Variants in CLDN20 observed in about 807,000 individuals in gnomAD.
CLDN20 encodes the protein claudin-20.
For missense variants in CLDN20, 258 were observed against 267.9 expected, an observed-to-expected ratio of 0.96 and a Z score of 0.26; for synonymous variants, 104 against 103.6, an observed-to-expected ratio of 1.00 and a Z score of -0.03.
At chr6:155,272,689 A>G (rs1784988588) in intron 1 of CLDN20, among the ~76,000 whole-genome samples, 1 of 152,106 alleles carries the variant, frequency 6.6e-6, no homozygotes, top group Non-Finnish European at 1.5e-5. Context: ...TCATTTGGAG[A>G]ACAAATTCTT....
At chr6:155,269,353 G>A (rs373506085) in intron 1 of CLDN20, among the ~76,000 whole-genome samples, 2 of 124,916 alleles carry the variant, frequency 1.6e-5, no homozygotes, top group East Asian at 2.6e-4. Flanking sequence ...ATGGAGTCTC[G>A]CTCTGTCACC....
At chr6:155,265,743 A>ATAATATATAATATAAATATATATTATATG (rs1290380034) in intron 1 of CLDN20, among the ~76,000 whole-genome samples, 1 of 145,818 alleles carries the variant, frequency 6.9e-6, no homozygotes, top group East Asian at 1.9e-4. Context: ...TATATTATAT[A>ATAATATATAATATAAATATATATTATATG]TAATATATAA....
chr6:155,274,471 A>T (rs559044146), intron 1 of CLDN20, among the ~76,000 whole-genome samples: 1 of 152,214 alleles, frequency 6.6e-6, no homozygotes, highest in Non-Finnish European at 1.5e-5. Context: ...ACATACAACT[A>T]ATGATGTGGT....
chr6:155,266,395 TCACA>T (rs1036755606), intron 1 of CLDN20, among the ~76,000 whole-genome samples: 5 of 152,044 alleles, frequency 3.3e-5, no homozygotes, highest in African/African-American at 1.2e-4. Flanking sequence ...TGGGAAAGTA[TCACA>T]CAGTCAACTC....
Position 155,276,191 on chromosome 6 carries a change from C to G in CLDN20, c.472C>G (p.His158Asp), listed in dbSNP as rs776946724. Reference protein sequence around the residue: ...LDLTVPESNKHEPGGAIYIGF... With the variant: ...LDLTVPESNKDEPGGAIYIGF... ...TCTGACAGTTCCAGAAAGCAACAAA[C>G]ATGAACCTGGAGGAGCTATCTATAT... The change falls in exon 2 of 2, where the codon CAT becomes GAT. Residue 158 changes from histidine to aspartate, a missense_variant. Coordinates refer to ENST00000367165, the MANE Select transcript of CLDN20 (RefSeq NM_001001346.3). The G allele has an allele frequency of 1.2e-6, 2 of 1,614,118 alleles. No individual in the cohort carries two copies. The highest frequency in any genetic ancestry group is 1.7e-6 in the Non-Finnish European group (2 of 1,180,008).
intron 1 of CLDN20, among the ~76,000 whole-genome samples, chr6:155,266,568 T>C (rs13220614): frequency 0.64 from 96,287 of 151,590 alleles, 31,298 homozygotes; most frequent in East Asian, 0.98. Flanking sequence ...CAAATGAGGC[T>C]GGGCGCTGTG....
At chr6:155,273,194 T>A (rs957793041) in intron 1 of CLDN20, among the ~76,000 whole-genome samples, 2 of 152,236 alleles carry the variant, frequency 1.3e-5, no homozygotes, top group Admixed American at 1.3e-4. Flanking sequence ...TAACTTTTGT[T>A]CTATTTTGGT....
chr6:155,275,461 G>A (rs1785145563), intron 1 of CLDN20, among the ~76,000 whole-genome samples, 155 bp from the exon 2 acceptor site: 1 of 152,136 alleles, frequency 6.6e-6, no homozygotes, highest in Non-Finnish European at 1.5e-5. Context: ...TCAAGGCCTG[G>A]TGGGAGCTTT....
At chr6:155,265,244 C>T (rs961731526) in intron 1 of CLDN20, among the ~76,000 whole-genome samples, 29 of 152,332 alleles carry the variant, frequency 1.9e-4, no homozygotes, top group Admixed American at 1.1e-3. Flanking sequence ...TGGACCCCAG[C>T]GCTGCAGGTC....
chr6:155,267,418 G>C (rs563347066), intron 1 of CLDN20, among the ~76,000 whole-genome samples: 68 of 152,370 alleles, frequency 4.5e-4, no homozygotes, highest in African/African-American at 1.5e-3. Flanking sequence ...CCTACACACA[G>C]ACCAGGTGGT....
At chr6:155,273,428 T>G (rs1785032396) in intron 1 of CLDN20, among the ~76,000 whole-genome samples, 1 of 152,212 alleles carries the variant, frequency 6.6e-6, no homozygotes, top group Admixed American at 6.5e-5. Context: ...CTATGCAAAG[T>G]TTATACTTTA....
At chr6:155,266,945 A>C (rs1779073501) in intron 1 of CLDN20, among the ~76,000 whole-genome samples, 1 of 150,520 alleles carries the variant, frequency 6.6e-6, no homozygotes, top group African/African-American at 2.4e-5. Context: ...GGAGAGGGGA[A>C]GAGAACTCTA....
intron 1 of CLDN20, among the ~76,000 whole-genome samples, chr6:155,268,698 G>A (rs11156018): frequency 0.31 from 46,525 of 151,660 alleles, 7,827 homozygotes; most frequent in East Asian, 0.66. Flanking sequence ...TCAGGGTTAA[G>A]TGGATTAAGG....
At chr6:155,267,620 ACTGGT>A (rs1353968124) in intron 1 of CLDN20, among the ~76,000 whole-genome samples, 1 of 152,158 alleles carries the variant, frequency 6.6e-6, no homozygotes, top group Admixed American at 6.5e-5. Context: ...ACTAGCTAAA[ACTGGT>A]CTTGGTGTTA....
intron 1 of CLDN20, among the ~76,000 whole-genome samples, chr6:155,271,841 C>G (rs188277096): frequency 4.8e-4 from 73 of 152,234 alleles, no homozygotes; most frequent in African/African-American, 1.7e-3. Context: ...CCAAATAATT[C>G]CTCCTCTGTA....
At position 155,275,668 on chromosome 6, in the gene CLDN20, A is replaced by G; in HGVS notation, c.-52A>G. 6.7e-7 allele frequency: 1 copy of G among 1,501,462 alleles called. No homozygotes were observed. Among genetic ancestry groups the G allele is most frequent in the South Asian group, 1.3e-5 (1 of 79,978 alleles). The allele number at this position is 1,501,462 out of a possible 1,614,324, so 93.0% of individuals were successfully genotyped here. On this transcript the variant is annotated 5_prime_UTR_variant, in exon 2 of 2. Transcript: ENST00000367165. ...AGAAATAGATAGAATTCTGACAGCC[A>G]TCATTGTTAAACATCAGGATTTTCT...
chr6:155,275,855 C>G lies in CLDN20; in HGVS notation c.136C>G (p.Gln46Glu). The G allele has an allele frequency of 2.5e-6, 4 of 1,614,166 alleles. No individual in the cohort carries two copies. Among genetic ancestry groups the G allele is most frequent in the Non-Finnish European group, 3.4e-6 (4 of 1,180,030 alleles). ...VDSNIITAIVQLHGLWMDCTW... is the reference protein window; with the variant it reads ...VDSNIITAIVELHGLWMDCTW... ...CTCCAACATCATAACAGCCATTGTA[C>G]AGCTGCACGGGCTCTGGATGGACTG... The change falls in exon 2 of 2, where the codon CAG becomes GAG. Residue 46 changes from glutamine to glutamate, a missense_variant. Gln to Glu is a conservative substitution (Grantham distance 29). Coordinates refer to ENST00000367165, the MANE Select transcript of CLDN20 (RefSeq NM_001001346.3).
chr6:155,275,985 TTCTG>T lies in CLDN20; in HGVS notation c.271_274del (p.Ser91LeufsTer9). The stretch of plus-strand genomic sequence containing the variant: ...AGAGCCACCATGGTCCTGGCGTGTG[TTCTG>T]TCTGCTTTGGGGATCTGCACTTCCA... On this transcript the variant is annotated frameshift_variant, in exon 2 of 2. Coordinates refer to ENST00000367165, the MANE Select transcript of CLDN20 (RefSeq NM_001001346.3). LOFTEE classifies it low-confidence loss of function (END_TRUNC). 6.2e-7 allele frequency: 1 copy of T among 1,614,176 alleles called. No individual in the cohort carries two copies. The highest frequency in any genetic ancestry group is 8.5e-7 in the Non-Finnish European group (1 of 1,180,026).
chr6:155,272,416 T>C (rs1784963573), intron 1 of CLDN20, among the ~76,000 whole-genome samples: 1 of 152,100 alleles, frequency 6.6e-6, no homozygotes, highest in African/African-American at 2.4e-5. Flanking sequence ...CTGTTCTGTG[T>C]GCACTGTGTT....
Sources: gnomAD v4.1 joint callset for allele counts (sites outside exome capture counted in the v4.1 genomes callset) on GRCh38, gnomAD v4.1.1 for gene constraint, MANE v1.5 for transcripts, NCBI Gene and HGNC (gene_info 2026-07-23, HGNC 2026-07-21) for gene names.